GALNTL6: variants seen among roughly 807,000 people sequenced by gnomAD.
The protein encoded by GALNTL6 is polypeptide N-acetylgalactosaminyltransferase like 6.
GALNTL6 carries 46 observed loss-of-function variants against 73.7 expected under a neutral mutation model. That is an observed-to-expected ratio of 0.62 (90% CI 0.49 to 0.80). The LOEUF (loss-of-function observed/expected upper bound fraction) is 0.80, where lower values mean the gene tolerates loss of function less well. GALNTL6 is among the 30% of genes least tolerant of loss of function. The pLI is 0.00. For missense variants in GALNTL6, 604 were observed against 755.0 expected, an observed-to-expected ratio of 0.80 and a Z score of 2.34; for synonymous variants, 259 against 263.7, an observed-to-expected ratio of 0.98 and a Z score of 0.17.
intron 5 of GALNTL6, among the ~76,000 whole-genome samples, chr4:172,462,941 T>C (rs769397699): frequency 6.6e-6 from 1 of 152,164 alleles, no homozygotes; most frequent in Non-Finnish European, 1.5e-5. Context: ...TGAAATGTGT[T>C]GTAAAGAGTG....
intron 5 of GALNTL6, among the ~76,000 whole-genome samples, chr4:172,569,417 G>T (rs1199625136): frequency 6.6e-6 from 1 of 152,182 alleles, no homozygotes; most frequent in African/African-American, 2.4e-5. Context: ...TATTTTGGGG[G>T]GACACAAACA....
intron 5 of GALNTL6, among the ~76,000 whole-genome samples, chr4:172,741,998 A>G (rs984916781): frequency 2.6e-5 from 4 of 151,932 alleles, no homozygotes; most frequent in Admixed American, 2.0e-4. Flanking sequence ...TATTAATAAA[A>G]ATAAGAAAAA....
intron 2 of GALNTL6, among the ~76,000 whole-genome samples, chr4:172,216,566 T>G (rs1381996315): frequency 6.6e-6 from 1 of 152,196 alleles, no homozygotes; most frequent in East Asian, 1.9e-4. Flanking sequence ...CTGATTGGTA[T>G]TCTCTGTTTT....
At chr4:172,755,685 T>C (rs1737711800) in intron 5 of GALNTL6, among the ~76,000 whole-genome samples, 3 of 152,212 alleles carry the variant, frequency 2.0e-5, no homozygotes, top group Non-Finnish European at 4.4e-5. Context: ...AGATACAACA[T>C]ACAAAAGCAT....
intron 5 of GALNTL6, among the ~76,000 whole-genome samples, chr4:172,702,290 G>A (rs1734069407): frequency 6.6e-6 from 1 of 151,938 alleles, no homozygotes; most frequent in South Asian, 2.1e-4. Flanking sequence ...TTATTTTCAG[G>A]ATACTCAATA....
chr4:172,423,355 T>G (rs1427958829), intron 5 of GALNTL6, among the ~76,000 whole-genome samples: 1 of 151,976 alleles, frequency 6.6e-6, no homozygotes, highest in African/African-American at 2.4e-5. Flanking sequence ...CATTTGGCAT[T>G]ACCTAATTTG....
chr4:171,993,028 C>T (rs566183494), intron 2 of GALNTL6, among the ~76,000 whole-genome samples: 24 of 151,090 alleles, frequency 1.6e-4, no homozygotes, highest in Admixed American at 2.7e-4. Flanking sequence ...GTGTTACATA[C>T]ATCCTTTAAG....
chr4:172,834,846 T>C (rs1272422893), intron 7 of GALNTL6, among the ~76,000 whole-genome samples: 3 of 152,228 alleles, frequency 2.0e-5, no homozygotes, highest in Non-Finnish European at 4.4e-5. Context: ...GACAAAACAA[T>C]GTTCTCTATC....
intron 2 of GALNTL6, among the ~76,000 whole-genome samples, chr4:172,097,473 T>C (rs755607148): frequency 1.3e-5 from 2 of 152,104 alleles, no homozygotes; most frequent in Non-Finnish European, 1.5e-5. Context: ...CTGGGAAAGG[T>C]TGTACTTTAT....
chr4:172,030,313 A>G (rs1741728377), intron 2 of GALNTL6, among the ~76,000 whole-genome samples: 1 of 152,122 alleles, frequency 6.6e-6, no homozygotes, highest in Non-Finnish European at 1.5e-5. Flanking sequence ...TCTTAAAGGT[A>G]ATGTTATTCT....
chr4:172,042,481 G>T (rs563092291), intron 2 of GALNTL6, among the ~76,000 whole-genome samples: 1 of 151,828 alleles, frequency 6.6e-6, no homozygotes, highest in African/African-American at 2.4e-5. Context: ...CTACTTAAAC[G>T]TTTTATAGCA....
At chr4:172,001,224 G>A (rs908200732) in intron 2 of GALNTL6, among the ~76,000 whole-genome samples, 1 of 152,146 alleles carries the variant, frequency 6.6e-6, no homozygotes, top group Non-Finnish European at 1.5e-5. Flanking sequence ...GAAGAAAGAA[G>A]TTAGTTATCA....
At chr4:172,095,007 C>CAAA (rs70941382) in intron 2 of GALNTL6, among the ~76,000 whole-genome samples, 4 of 129,882 alleles carry the variant, frequency 3.1e-5, no homozygotes, top group African/African-American at 8.4e-5. Flanking sequence ...TTTATGTTTT[C>CAAA]AAAAAAAAAA....
intron 5 of GALNTL6, among the ~76,000 whole-genome samples, chr4:172,546,645 AT>A (rs1322583444): frequency 6.6e-6 from 1 of 150,504 alleles, no homozygotes; most frequent in Non-Finnish European, 1.5e-5. Flanking sequence ...TTTCTTTTCC[AT>A]TTCCTTTACA....
At chr4:171,814,776 G>A (rs775462343) in intron 2 of GALNTL6, 58 bp downstream of exon 2, 3 of 1,568,138 alleles carry the variant, frequency 1.9e-6, no homozygotes, top group Middle Eastern at 2.0e-4. Flanking sequence ...ATCCTCGCGC[G>A]GGGACTCGAG....
intron 8 of GALNTL6, among the ~76,000 whole-genome samples, chr4:172,912,004 T>A (rs1747227594): frequency 6.6e-6 from 1 of 152,200 alleles, no homozygotes; most frequent in Non-Finnish European, 1.5e-5. Context: ...ATTTTTCTGG[T>A]TGCCATTTTC....
intron 2 of GALNTL6, among the ~76,000 whole-genome samples, chr4:172,118,507 CT>C (rs1357091637): frequency 6.6e-6 from 1 of 151,998 alleles, no homozygotes; most frequent in Non-Finnish European, 1.5e-5. Flanking sequence ...CAAGACAAGC[CT>C]TACCAACATG....
At chr4:172,678,448 C>A (rs1238335240) in intron 5 of GALNTL6, among the ~76,000 whole-genome samples, 3 of 151,724 alleles carry the variant, frequency 2.0e-5, no homozygotes, top group African/African-American at 4.8e-5. Context: ...CTGGTTCAAG[C>A]AATTCTCTTG....
intron 7 of GALNTL6, among the ~76,000 whole-genome samples, chr4:172,847,729 CA>C (rs1443185445): frequency 1.3e-5 from 2 of 152,122 alleles, no homozygotes; most frequent in African/African-American, 4.8e-5. Context: ...AGAAGATGAA[CA>C]TTCATGTAAT....
Sources: allele counts gnomAD v4.1 joint callset (sites outside exome capture counted in the v4.1 genomes callset), GRCh38; gene constraint gnomAD v4.1.1; transcripts MANE v1.5; gene names NCBI Gene and HGNC (gene_info 2026-07-23, HGNC 2026-07-21).